Variants in KIRREL1 observed in about 807,000 individuals in gnomAD.
KIRREL1 encodes kin of IRRE-like protein 1.
KIRREL1 carries 25 observed loss-of-function variants against 83.3 expected under a neutral mutation model. That is an observed-to-expected ratio of 0.30 (90% confidence interval 0.22 to 0.42). The LOEUF is 0.42. KIRREL1 is among the 10% of genes least tolerant of loss of function. The probability of loss-of-function intolerance (pLI) is 1.00; values close to 1 mark genes in which losing one functional copy is unlikely to be tolerated. For synonymous variants in KIRREL1, 388 were observed against 410.4 expected, an observed-to-expected ratio of 0.95 and a Z score of 0.66; for missense variants, 812 against 1,032.3, an observed-to-expected ratio of 0.79 and a Z score of 2.92.
chr1:158,046,520 G>A (rs1328520038), intron 1 of KIRREL1, among the ~76,000 whole-genome samples: 1 of 152,134 alleles, frequency 6.6e-6, no homozygotes, highest in Non-Finnish European at 1.5e-5. Flanking sequence ...TAGAGATGAT[G>A]TTTAAAGCTG....
At chr1:158,088,820 G>A (rs1330457418) in intron 8 of KIRREL1, among the ~76,000 whole-genome samples, 3 of 152,244 alleles carry the variant, frequency 2.0e-5, no homozygotes, top group East Asian at 3.9e-4. Flanking sequence ...GAAGGGGTGC[G>A]GCCACAGATG....
intron 1 of KIRREL1, 116 bp downstream of exon 1, chr1:157,993,844 G>A: frequency 5.2e-6 from 3 of 580,364 alleles, no homozygotes; most frequent in Non-Finnish European, 8.4e-6. Flanking sequence ...CCCGGGTCCG[G>A]ACGCCACGAG....
chr1:158,084,595 C>G lies in KIRREL1; in HGVS notation c.510+16C>G, dbSNP rs923036137. 6.5e-7 allele frequency: 1 copy of G among 1,549,974 alleles called. No homozygotes were observed. On this transcript the variant is annotated intron_variant, in intron 4 of 14. Coordinates refer to ENST00000359209, the MANE Select transcript of KIRREL1 (RefSeq NM_018240.7). ...GGCCAGCACGGTGAGCTCCAGCCAG[C>G]TCCCCCAGCTCCTCCTGGGCCTAGC...
intron 1 of KIRREL1, among the ~76,000 whole-genome samples, chr1:158,058,629 C>T (rs930489013): frequency 2.6e-5 from 4 of 152,188 alleles, no homozygotes; most frequent in Non-Finnish European, 5.9e-5. Context: ...GGAGCTAGTG[C>T]AGGTACTTTG....
At chr1:158,031,272 C>A (rs567769948) in intron 1 of KIRREL1, 2 of 152,160 alleles carry the variant, frequency 1.3e-5, no homozygotes, top group Non-Finnish European at 2.9e-5. Context: ...ACTAGGAAGG[C>A]TGCCTTTGCT....
At chr1:158,082,601 GC>G (rs2101632495) in intron 3 of KIRREL1, among the ~76,000 whole-genome samples, 1 of 152,202 alleles carries the variant, frequency 6.6e-6, no homozygotes, top group African/African-American at 2.4e-5. Context: ...TGTTCCCTCT[GC>G]ACACTCCTCT....
At chr1:158,072,349 A>G (rs1463111637) in intron 1 of KIRREL1, among the ~76,000 whole-genome samples, 2 of 152,208 alleles carry the variant, frequency 1.3e-5, no homozygotes, top group African/African-American at 4.8e-5. Flanking sequence ...GTCAACAGAC[A>G]TATTTGGAAC....
chr1:158,097,678 A>T lies in KIRREL1; in HGVS notation c.*2558A>T, dbSNP rs1227953110. 1 of 152,764 alleles carries T rather than the reference A, an allele frequency of 6.5e-6. No individual in the cohort carries two copies. The highest frequency in any genetic ancestry group is 1.5e-5 in the Non-Finnish European group (1 of 68,486). 9.5% of individuals were successfully genotyped at this position (152,764 alleles called of 1,614,324 possible). A position where few individuals can be genotyped will look rare whatever the true frequency, so the allele number is the denominator to read the frequency against. On this transcript the variant is annotated 3_prime_UTR_variant, in exon 15 of 15. Transcript: ENST00000359209. ...GAATTGGAACCTACCTGATGGGCCCAGTGGAATAGCTTTTCTGGGGAGTGG... is the reference window on the plus strand; with the variant it reads ...GAATTGGAACCTACCTGATGGGCCCTGTGGAATAGCTTTTCTGGGGAGTGG...
intron 1 of KIRREL1, among the ~76,000 whole-genome samples, chr1:158,008,572 A>G (rs2101632285): frequency 6.6e-6 from 1 of 152,112 alleles, no homozygotes; most frequent in Non-Finnish European, 1.5e-5. Flanking sequence ...CAGGACCTGG[A>G]CCCTGGCCTG....
At chr1:158,052,765 G>A (rs1032939851) in intron 1 of KIRREL1, among the ~76,000 whole-genome samples, 2 of 152,046 alleles carry the variant, frequency 1.3e-5, no homozygotes, top group Non-Finnish European at 2.9e-5. Flanking sequence ...CAGCCTGGGC[G>A]ACAGAGCAAG....
intron 11 of KIRREL1, among the ~76,000 whole-genome samples, chr1:158,092,211 CT>C (rs915294592): frequency 6.6e-6 from 1 of 152,120 alleles, no homozygotes; most frequent in Non-Finnish European, 1.5e-5. Flanking sequence ...ATTCCTTTGA[CT>C]TTTTTGGAAG....
At position 158,095,048 on chromosome 1, in the gene KIRREL1, T is replaced by G. The variant is rs758074248; in HGVS notation, c.2202T>G (p.Thr734=). Reference sequence around the variant, plus strand: ...CCATTGGCAAGTACGCCACAGCCACTCGATTCTCCTACACCTCCCAGCACT... The same window carrying G: ...CCATTGGCAAGTACGCCACAGCCACGCGATTCTCCTACACCTCCCAGCACT... ...YDPIGKYATA[T]RFSYTSQHSD... is the part of the protein sequence containing the mutation. The change falls in exon 15 of 15, where the codon ACT becomes ACG. Residue 734 remains threonine (T), a synonymous_variant. Coordinates refer to ENST00000359209, the MANE Select transcript of KIRREL1 (RefSeq NM_018240.7). 1 of 1,613,510 alleles carries G rather than the reference T, an allele frequency of 6.2e-7. No individual in the cohort carries two copies.
intron 1 of KIRREL1, among the ~76,000 whole-genome samples, chr1:158,057,435 C>T (rs1661096468): frequency 6.6e-6 from 1 of 152,176 alleles, no homozygotes; most frequent in Non-Finnish European, 1.5e-5. Context: ...AAGATAAGTA[C>T]TCCTGTCTTT....
rs56077512 is a variant in KIRREL1, at chr1:158,010,396, TACACACACACACACACACACAC to T, written c.52+16711_52+16732del. ...GTCCTGAGAATGTCACACACATGCA[TACACACACACACACACACACAC>T]ACACACACACACACACACACACACA... On this transcript the variant is annotated intron_variant, in intron 1 of 14. Coordinates refer to ENST00000359209, the MANE Select transcript of KIRREL1 (RefSeq NM_018240.7). Among the ~76,000 whole-genome samples, 91 of 44,590 alleles carry T rather than the reference TACACACACACACACACACACAC, an allele frequency of 2.0e-3. 1 individual carries two copies. The highest frequency in any genetic ancestry group is 8.8e-3 in the South Asian group (7 of 796). 29.3% of individuals were successfully genotyped at this position (44,590 alleles called of 152,430 possible).
At position 158,088,418 on chromosome 1, in the gene KIRREL1, C is replaced by A. The variant is rs758963216; in HGVS notation, c.1008C>A (p.Pro336=). The change falls in exon 8 of 15, where the codon CCC becomes CCA. Residue 336 remains proline, a synonymous_variant. Coordinates refer to ENST00000359209, the MANE Select transcript of KIRREL1 (RefSeq NM_018240.7). The part of the protein sequence containing the change: ...TLTCVWVGNP[P]LTLTWTKKDS... ...CCTGTGTCTGGGTTGGGAATCCCCC[C>A]CTCACTCTCACCTGGACCAAAAAGG... 3.2e-5 allele frequency: 51 copies of A among 1,606,862 alleles called. No individual in the cohort carries two copies. Among genetic ancestry groups the A allele is most frequent in the East Asian group, 6.7e-5 (3 of 44,854 alleles).
Position 158,089,701 on chromosome 1 carries a change from T to C in KIRREL1, c.1172-17T>C, listed in dbSNP as rs1444624052. 4 of 1,614,018 alleles carry C rather than the reference T, an allele frequency of 2.5e-6. No homozygotes were observed. The highest frequency in any genetic ancestry group is 2.2e-5 in the East Asian group (1 of 44,898). On this transcript the variant is annotated splice_polypyrimidine_tract_variant and intron_variant, in intron 9 of 14. Coordinates refer to ENST00000359209, the MANE Select transcript of KIRREL1 (RefSeq NM_018240.7). ...GCAGTTTTTAACTGGTTCTGACTTG[T>C]GTCTTCTTGCTTGCAGGGCCCCCCA...
At chr1:158,012,738 G>A (rs1659722049) in intron 1 of KIRREL1, among the ~76,000 whole-genome samples, 3 of 152,228 alleles carry the variant, frequency 2.0e-5, no homozygotes, top group Admixed American at 6.5e-5. Context: ...ATAGGGGCAA[G>A]GGCCTTCTTT....
At chr1:158,058,616 C>T (rs773896973) in intron 1 of KIRREL1, among the ~76,000 whole-genome samples, 10 of 152,114 alleles carry the variant, frequency 6.6e-5, no homozygotes, top group African/African-American at 9.7e-5. Flanking sequence ...CTGCAGGTCT[C>T]GGGGAGCTAG....
At chr1:158,031,479 G>A (rs563533419) in intron 1 of KIRREL1, among the ~76,000 whole-genome samples, 1 of 152,310 alleles carries the variant, frequency 6.6e-6, no homozygotes, top group South Asian at 2.1e-4. Flanking sequence ...GGGGCCAAGT[G>A]GGATGGAAGG....
Sources: gnomAD v4.1 joint callset for allele counts (sites outside exome capture counted in the v4.1 genomes callset) on GRCh38, gnomAD v4.1.1 for gene constraint, MANE v1.5 for transcripts, NCBI Gene and HGNC (gene_info 2026-07-23, HGNC 2026-07-21) for gene names.